ERC2: variants seen among roughly 807,000 people sequenced by gnomAD.
ERC2 encodes the protein ELKS/RAB6-interacting/CAST family member 2.
In ERC2, 42 loss-of-function variants were observed where a neutral mutation model predicts 114.8. That is an observed-to-expected ratio of 0.37 (90% CI 0.29 to 0.47). ERC2 has a LOEUF of 0.47. Ranked by LOEUF, ERC2 falls within the 20% of genes least tolerant of loss-of-function variation. The pLI is 0.99. For missense variants in ERC2, 939 were observed against 1,150.7 expected, an observed-to-expected ratio of 0.82 and a Z score of 2.66; for synonymous variants, 454 against 425.5, an observed-to-expected ratio of 1.07 and a Z score of -0.82.
At position 56,032,397 on chromosome 3, in the gene ERC2, T is replaced by A. The variant is rs1050019540; in HGVS notation, c.1642-13366A>T. Among the ~76,000 whole-genome samples, 7 of 152,198 alleles carry A rather than the reference T, an allele frequency of 4.6e-5. No homozygotes were observed. In the East Asian group the frequency reaches 1.4e-3, roughly 29 times the overall value. ...AATTTTAATAAGTCTATGGGACTTATGGGCCGCCATTAAGCAAAGCAATAT... is the reference window on the plus strand; with the variant it reads ...AATTTTAATAAGTCTATGGGACTTAAGGGCCGCCATTAAGCAAAGCAATAT... On this transcript the variant is annotated intron_variant, in intron 7 of 17. Transcript: ENST00000288221.
chr3:55,637,326 T>C (rs1575869032), intron 17 of ERC2, among the ~76,000 whole-genome samples: 1 of 152,306 alleles, frequency 6.6e-6, no homozygotes, highest in Non-Finnish European at 1.5e-5. Flanking sequence ...CTGTGGAATA[T>C]GGAAAGGCAT....
At chr3:56,207,280 A>T (rs1480558465) in intron 3 of ERC2, among the ~76,000 whole-genome samples, 1 of 152,146 alleles carries the variant, frequency 6.6e-6, no homozygotes, top group Non-Finnish European at 1.5e-5. Context: ...ATGATTTTTT[A>T]AATTAAAAAA....
intron 3 of ERC2, among the ~76,000 whole-genome samples, chr3:56,268,945 C>T (rs183212728): frequency 6.5e-4 from 99 of 152,184 alleles, no homozygotes; most frequent in Middle Eastern, 3.4e-3. Context: ...TTATGTGGTA[C>T]GCCTTAAATT....
At chr3:55,556,483 A>G (rs1286766078) in intron 17 of ERC2, among the ~76,000 whole-genome samples, 2 of 152,194 alleles carry the variant, frequency 1.3e-5, no homozygotes, top group Non-Finnish European at 2.9e-5. Context: ...AGCTCCAGAC[A>G]TAGAGCATAT....
chr3:55,665,449 A>G (rs2061322432), intron 17 of ERC2, among the ~76,000 whole-genome samples: 1 of 152,208 alleles, frequency 6.6e-6, no homozygotes, highest in African/African-American at 2.4e-5. Flanking sequence ...ATTTGTTAAG[A>G]TGAGGTCATC....
intron 10 of ERC2, among the ~76,000 whole-genome samples, chr3:55,994,107 C>T (rs1976790): frequency 0.71 from 107,960 of 152,036 alleles, 38,475 homozygotes; most frequent in East Asian, 0.84. Context: ...CTTTCATTTT[C>T]ATACTGTATT....
At chr3:55,916,735 A>G (rs369720516) in intron 13 of ERC2, among the ~76,000 whole-genome samples, 3 of 152,256 alleles carry the variant, frequency 2.0e-5, no homozygotes, top group African/African-American at 7.2e-5. Context: ...GCCACACTGT[A>G]TATAATATGG....
intron 3 of ERC2, among the ~76,000 whole-genome samples, chr3:56,191,108 G>C (rs983660386): frequency 6.6e-6 from 1 of 152,180 alleles, no homozygotes; most frequent in Admixed American, 6.5e-5. Context: ...TGAGCAGAAG[G>C]GCACAGGTGG....
At chr3:56,299,186 G>C (rs566420654) in intron 2 of ERC2, among the ~76,000 whole-genome samples, 284 of 145,836 alleles carry the variant, frequency 1.9e-3, no homozygotes, top group African/African-American at 6.7e-3. Context: ...GGAGTGCAGT[G>C]GCGCGATCTT....
At chr3:55,980,089 G>T (rs9842128) in intron 12 of ERC2, among the ~76,000 whole-genome samples, 17,289 of 140,846 alleles carry the variant, frequency 0.12, 1,416 homozygotes, top group East Asian at 0.29. Context: ...CACTATGTTT[G>T]CACGAAGTGT....
intron 13 of ERC2, among the ~76,000 whole-genome samples, chr3:55,926,424 A>AAC (rs1553737475): frequency 2.0e-5 from 3 of 151,462 alleles, no homozygotes; most frequent in African/African-American, 7.3e-5. Flanking sequence ...TTAAAAAAAA[A>AAC]AAAACTAAAA....
chr3:55,712,058 T>C (rs1046900156), intron 15 of ERC2, among the ~76,000 whole-genome samples: 1 of 152,258 alleles, frequency 6.6e-6, no homozygotes, highest in Non-Finnish European at 1.5e-5. Context: ...TCCCTAATTA[T>C]AATTTGAAGC....
chr3:55,780,960 C>T (rs557214897), intron 14 of ERC2, among the ~76,000 whole-genome samples: 57 of 152,314 alleles, frequency 3.7e-4, no homozygotes, highest in Non-Finnish European at 7.5e-4. Flanking sequence ...TTTATTAAAA[C>T]GTCCTAAATG....
At chr3:55,957,895 G>C (rs572230423) in intron 12 of ERC2, among the ~76,000 whole-genome samples, 7 of 152,182 alleles carry the variant, frequency 4.6e-5, no homozygotes, top group Non-Finnish European at 1.0e-4. Context: ...CCCTGGCTCC[G>C]GGAGACCCTA....
At chr3:55,976,700 G>A (rs1242040028) in intron 12 of ERC2, among the ~76,000 whole-genome samples, 1 of 152,108 alleles carries the variant, frequency 6.6e-6, no homozygotes, top group East Asian at 1.9e-4. Context: ...CCAGTGAAGA[G>A]CAAATGATGA....
At chr3:56,143,563 T>C (rs575763626) in intron 5 of ERC2, among the ~76,000 whole-genome samples, 1 of 152,320 alleles carries the variant, frequency 6.6e-6, no homozygotes, top group Non-Finnish European at 1.5e-5. Context: ...CATGACTTTG[T>C]TCCTCATTTG....
intron 3 of ERC2, among the ~76,000 whole-genome samples, chr3:56,242,531 T>C (rs1248635875): frequency 6.6e-6 from 1 of 152,138 alleles, no homozygotes; most frequent in Non-Finnish European, 1.5e-5. Context: ...CATAATTTAT[T>C]ACATTTATAA....
chr3:56,369,750 C>T (rs892978664), intron 2 of ERC2, among the ~76,000 whole-genome samples: 1 of 151,760 alleles, frequency 6.6e-6, no homozygotes, highest in Non-Finnish European at 1.5e-5. Flanking sequence ...AATCTCAGCT[C>T]ACTGCAACCT....
intron 2 of ERC2, among the ~76,000 whole-genome samples, chr3:56,340,669 C>T (rs575380076): frequency 2.6e-5 from 4 of 151,938 alleles, no homozygotes; most frequent in Non-Finnish European, 5.9e-5. Context: ...AATCGTCTGA[C>T]AATTGCCCAC....
Sources: allele counts gnomAD v4.1 joint callset (sites outside exome capture counted in the v4.1 genomes callset), GRCh38; gene constraint gnomAD v4.1.1; transcripts MANE v1.5; gene names NCBI Gene and HGNC (gene_info 2026-07-23, HGNC 2026-07-21).